The following LAMA2 variants were observed in gnomAD, a reference collection of about 807,000 sequenced individuals.
The protein encoded by LAMA2 is laminin subunit alpha 2.
Under a neutral mutation model 364.8 loss-of-function variants are expected in LAMA2, and 269 were observed. The observed-to-expected ratio is 0.74, with a 90% confidence interval of 0.67 to 0.82. LAMA2 has a LOEUF of 0.82. LAMA2 is among the 40% of genes least tolerant of loss of function. The pLI, the probability that LAMA2 is intolerant of heterozygous loss-of-function variation, is 0.00. For missense variants in LAMA2, 3,807 were observed against 3,873.2 expected (o/e 0.98, Z 0.45); for synonymous variants, 1,379 against 1,370.6 (o/e 1.01, Z -0.14).
intron 61 of LAMA2, 151 bp downstream of exon 61, chr6:129,505,506 ATTTG>A (rs558876015): frequency 2.1e-4 from 143 of 691,520 alleles, no homozygotes; most frequent in South Asian, 4.6e-4. Context: ...TTTGTTGTTT[ATTTG>A]TTTGTTTGTT....
chr6:129,120,584 A>T (rs1254217152), intron 4 of LAMA2, among the ~76,000 whole-genome samples: 1 of 152,234 alleles, frequency 6.6e-6, no homozygotes, highest in Non-Finnish European at 1.5e-5. Flanking sequence ...TATACCACAA[A>T]ACATCTGAAC....
intron 40 of LAMA2, among the ~76,000 whole-genome samples, chr6:129,424,407 A>C (rs562667657): frequency 1.4e-3 from 204 of 142,866 alleles, no homozygotes; most frequent in Non-Finnish European, 2.5e-3. Flanking sequence ...TCTTCCCTTC[A>C]AAAAAAAAAA....
At chr6:128,920,185 T>G (rs1411665743) in intron 1 of LAMA2, among the ~76,000 whole-genome samples, 2 of 150,334 alleles carry the variant, frequency 1.3e-5, no homozygotes, top group Non-Finnish European at 3.0e-5. Context: ...TTTGACGGAG[T>G]CCTGCTCTGT....
Position 129,503,197 on chromosome 6 carries a change from T to C in LAMA2, c.8464T>C (p.Leu2822=), listed in dbSNP as rs199570699. 2.6e-5 allele frequency: 42 copies of C among 1,613,970 alleles called. No homozygotes were observed. The highest frequency in any genetic ancestry group is 3.4e-5 in the Non-Finnish European group (40 of 1,179,968). The change falls in exon 60 of 65, where the codon TTG becomes CTG. Residue 2822 remains leucine (L), a synonymous_variant. Transcript: ENST00000421865. The stretch of plus-strand genomic sequence containing the variant: ...TGCAACAGTTCAGCTGAGAAATGGA[T>C]TGCCCTACTTCAGCTATGACTTGGG... ...DFATVQLRNG[L]PYFSYDLGSG...
intron 1 of LAMA2, among the ~76,000 whole-genome samples, chr6:128,995,645 T>G (rs914088736): frequency 1.3e-5 from 2 of 152,134 alleles, no homozygotes; most frequent in Admixed American, 6.5e-5. Flanking sequence ...TTTAAACCCT[T>G]TCTCCTTCTC....
At chr6:129,322,185 T>C (rs1775006473) in intron 28 of LAMA2, among the ~76,000 whole-genome samples, 1 of 152,238 alleles carries the variant, frequency 6.6e-6, no homozygotes, top group Non-Finnish European at 1.5e-5. Flanking sequence ...TTTATTTACA[T>C]GTGTCCATTT....
chr6:129,418,816 C>A (rs1780928451), intron 40 of LAMA2, among the ~76,000 whole-genome samples: 1 of 151,956 alleles, frequency 6.6e-6, no homozygotes, highest in Non-Finnish European at 1.5e-5. Flanking sequence ...TGGCTTAATT[C>A]CTATAATAAA....
chr6:129,508,216 A>G (rs1212891453), intron 62 of LAMA2, among the ~76,000 whole-genome samples: 1 of 117,896 alleles, frequency 8.5e-6, no homozygotes, highest in Non-Finnish European at 1.9e-5. Context: ...CTACATAATA[A>G]TTTTTTAATC....
At chr6:129,452,445 G>C (rs1562576886) in intron 45 of LAMA2, among the ~76,000 whole-genome samples, 1 of 152,114 alleles carries the variant, frequency 6.6e-6, no homozygotes, top group Non-Finnish European at 1.5e-5. Context: ...TGTATGTTCT[G>C]AGTAGAATGA....
At chr6:129,275,430 T>G (rs1788239958) in intron 17 of LAMA2, among the ~76,000 whole-genome samples, 1 of 152,014 alleles carries the variant, frequency 6.6e-6, no homozygotes, top group African/African-American at 2.4e-5. Flanking sequence ...CTCTCTGTGC[T>G]TCTTCCAATG....
At chr6:129,408,881 A>C (rs1780383657) in intron 40 of LAMA2, among the ~76,000 whole-genome samples, 1 of 152,180 alleles carries the variant, frequency 6.6e-6, no homozygotes, top group Admixed American at 6.5e-5. Flanking sequence ...CCACTTGATT[A>C]TTAAAATCCT....
At chr6:129,406,319 T>C (rs1012210694) in intron 40 of LAMA2, among the ~76,000 whole-genome samples, 4 of 152,202 alleles carry the variant, frequency 2.6e-5, no homozygotes, top group Non-Finnish European at 4.4e-5. Context: ...CAGTATTATT[T>C]TGTAAAGAGT....
At chr6:129,330,292 A>G (rs745364933) in intron 29 of LAMA2, among the ~76,000 whole-genome samples, 4 of 152,070 alleles carry the variant, frequency 2.6e-5, no homozygotes, top group Non-Finnish European at 5.9e-5. Context: ...GCCTTCCATG[A>G]AACCAGTCCC....
chr6:129,257,217 A>T (rs575595177), intron 14 of LAMA2, among the ~76,000 whole-genome samples: 40 of 152,196 alleles, frequency 2.6e-4, no homozygotes, highest in Middle Eastern at 3.4e-3. Context: ...GGGAAAAAAA[A>T]ATAAACTGCA....
At chr6:129,214,455 T>C (rs1327019873) in intron 12 of LAMA2, among the ~76,000 whole-genome samples, 2 of 152,184 alleles carry the variant, frequency 1.3e-5, no homozygotes, top group African/African-American at 4.8e-5. Flanking sequence ...AACCTCACTA[T>C]GGATTTTGAT....
rs1463747452 is a variant in LAMA2, at chr6:129,054,621, TA to T, written c.283+4534del. 6.0e-5 allele frequency among the ~76,000 whole-genome samples: 9 copies of T among 150,666 alleles called. No homozygotes were observed. The East Asian group carries it at 1.7e-3, about 29-fold the overall frequency. ...GTGTATATGTATGCAGGTATATACA[TA>T]TACTTATGTATTTATTAAATATTTA... On this transcript the variant is annotated intron_variant, in intron 2 of 64. Coordinates refer to ENST00000421865, the MANE Select transcript of LAMA2 (RefSeq NM_000426.4).
At position 128,935,793 on chromosome 6, in the gene LAMA2, C is replaced by T. The variant is rs79995763; in HGVS notation, c.112+52436C>T. Among the ~76,000 whole-genome samples, 918 of 152,074 alleles carry T rather than the reference C, an allele frequency of 6.0e-3. 12 individuals are homozygous for T. The highest frequency in any genetic ancestry group is 0.021 in the African/African-American group (879 of 41,492). The stretch of plus-strand genomic sequence containing the variant: ...GATGAATGTTATATCTTTTTCTTGC[C>T]GAATTGCTCTGACTAGGACTCATAG... On this transcript the variant is annotated intron_variant, in intron 1 of 64. Coordinates refer to ENST00000421865, the MANE Select transcript of LAMA2 (RefSeq NM_000426.4).
chr6:129,148,509 A>C (rs1778611910), intron 6 of LAMA2, among the ~76,000 whole-genome samples: 1 of 152,124 alleles, frequency 6.6e-6, no homozygotes, highest in African/African-American at 2.4e-5. Context: ...TTGAGACTGT[A>C]TTCAGAGCAT....
intron 51 of LAMA2, among the ~76,000 whole-genome samples, chr6:129,472,470 A>G (rs918321421): frequency 2.0e-5 from 3 of 151,984 alleles, no homozygotes; most frequent in Non-Finnish European, 2.9e-5. Flanking sequence ...AGAGGGATCA[A>G]TGAGATAAGG....
Sources: gnomAD v4.1 joint callset for allele counts (sites outside exome capture counted in the v4.1 genomes callset) on GRCh38, gnomAD v4.1.1 for gene constraint, MANE v1.5 for transcripts, NCBI Gene and HGNC (gene_info 2026-07-23, HGNC 2026-07-21) for gene names.